The following SYNE1 variants were observed in gnomAD, a reference collection of about 807,000 sequenced individuals.
SYNE1 encodes spectrin repeat containing nuclear envelope protein 1.
Under a neutral mutation model 1,111.0 loss-of-function variants are expected in SYNE1, and 616 were observed. The observed-to-expected ratio is 0.55, with a 90% CI of 0.52 to 0.59. The LOEUF is 0.59. Ranked by LOEUF, SYNE1 falls within the 20% of genes least tolerant of loss-of-function variation. The pLI is 0.00. For synonymous variants in SYNE1, 3,855 were observed against 3,825.8 expected (o/e 1.01, Z -0.28); for missense variants, 10,006 against 10,417.0 (o/e 0.96, Z 1.72).
intron 127 of SYNE1, among the ~76,000 whole-genome samples, chr6:152,196,170 G>T (rs2074060389): frequency 1.3e-5 from 2 of 152,064 alleles, no homozygotes; most frequent in South Asian, 2.1e-4. Context: ...TTACCCTTCA[G>T]GGGAGTGGGC....
chr6:152,545,057 A>G (rs368650467), intron 3 of SYNE1, among the ~76,000 whole-genome samples: 4 of 152,336 alleles, frequency 2.6e-5, no homozygotes, highest in Admixed American at 6.5e-5. Flanking sequence ...TATCCACTTA[A>G]CAGATGGTAT....
chr6:152,376,400 G>C lies in SYNE1; in HGVS notation c.9305C>G (p.Thr3102Ser). The C allele has an allele frequency of 6.2e-7, 1 of 1,614,144 alleles. No homozygotes were observed. Among genetic ancestry groups the C allele is most frequent in the African/African-American group, 1.3e-5 (1 of 75,038 alleles). Residue 3102 changes from threonine (T) to serine (S), a missense_variant, in exon 58 of 146, where the codon ACT becomes AGT. By Grantham distance (58) the Thr-to-Ser change is moderately conservative (BLOSUM62 1). Coordinates refer to ENST00000367255, the MANE Select transcript of SYNE1 (RefSeq NM_182961.4). ...DIPQNISEVS[T>S]SLQKIQEFLS... is the part of the protein sequence containing the mutation. The stretch of plus-strand genomic sequence containing the variant: ...CCTTACCTGTATTTTCTGAAGACTA[G>C]TTGAAACTTCACTTATATTTTGAGG...
chr6:152,621,074 T>A (rs2099674298), intron 3 of SYNE1, among the ~76,000 whole-genome samples: 1 of 152,202 alleles, frequency 6.6e-6, no homozygotes, highest in Non-Finnish European at 1.5e-5. Context: ...GCCTTGAAGA[T>A]AAGTCAGGTT....
chr6:152,338,641 C>T (rs1215986017), intron 75 of SYNE1, among the ~76,000 whole-genome samples: 2 of 152,118 alleles, frequency 1.3e-5, no homozygotes, highest in Non-Finnish European at 2.9e-5. Flanking sequence ...AACAAACAAA[C>T]GAGCAAACAA....
rs758437949 is a variant in SYNE1, at chr6:152,236,181, C to A, written c.20322G>T (p.Glu6774Asp). 1 of 1,614,176 alleles carries A rather than the reference C, an allele frequency of 6.2e-7. No individual in the cohort carries two copies. The highest frequency in any genetic ancestry group is 8.5e-7 in the Non-Finnish European group (1 of 1,180,038). Residue 6774 changes from glutamate to aspartate, a missense_variant, in exon 110 of 146, where the codon GAG becomes GAT. By Grantham distance (45) the Glu-to-Asp change is conservative. Around this residue, in one of 7 missense-constraint regions of SYNE1, gnomAD observed 2,182 missense variants for 2,287.8 expected, o/e 0.95. Coordinates refer to ENST00000367255, the MANE Select transcript of SYNE1 (RefSeq NM_182961.4). ...TTTTATTGGTGTTACTTAGCCAGCA[C>A]TCTCCAAGTTGATTTAGTTGGCTTT... is the stretch of plus-strand genomic sequence containing the variant. ...DLESQLNQLG[E>D]CWLSNTNKMS...
Position 152,164,293 on chromosome 6 carries a change from A to G in SYNE1, c.23660T>C (p.Val7887Ala). The part of the protein sequence containing the change: ...VKKLKETLVA[V>A]QQLDKNMSSL... ...GCTCATGTTCTTATCAAGCTGCTGC[A>G]CGGCTACCAGGGTCTCCTTCAGCTT... The change falls in exon 131 of 146, where the codon GTG becomes GCG. Residue 7887 changes from valine (V) to alanine (A), a missense_variant. Coordinates refer to ENST00000367255, the MANE Select transcript of SYNE1 (RefSeq NM_182961.4). 6.2e-7 allele frequency: 1 copy of G among 1,614,180 alleles called. No homozygotes were observed. Among genetic ancestry groups the G allele is most frequent in the Non-Finnish European group, 8.5e-7 (1 of 1,180,040 alleles).
intron 12 of SYNE1, among the ~76,000 whole-genome samples, chr6:152,485,524 C>T (rs1490791438): frequency 6.6e-6 from 1 of 152,120 alleles, no homozygotes; most frequent in Non-Finnish European, 1.5e-5. Flanking sequence ...CATGATAATC[C>T]TTTGCTTTAA....
At chr6:152,343,798 C>T (rs991445765) in intron 74 of SYNE1, among the ~76,000 whole-genome samples, 1 of 151,730 alleles carries the variant, frequency 6.6e-6, no homozygotes, top group Non-Finnish European at 1.5e-5. Context: ...GAGCTCCTGG[C>T]CTCAAGTGAT....
At position 152,456,195 on chromosome 6, in the gene SYNE1, T is replaced by C; in HGVS notation, c.2569-151A>G. 8 of 742,738 alleles carry C rather than the reference T, an allele frequency of 1.1e-5. No individual in the cohort carries two copies. In the South Asian group the frequency reaches 1.6e-4, roughly 15 times the overall value. The allele number at this position is 742,738 out of a possible 1,614,324, so 46.0% of individuals were successfully genotyped here. A position where few individuals can be genotyped will look rare whatever the true frequency, so the allele number is the denominator to read the frequency against. On this transcript the variant is annotated intron_variant, in intron 22 of 145. Coordinates refer to ENST00000367255, the MANE Select transcript of SYNE1 (RefSeq NM_182961.4). The stretch of plus-strand genomic sequence containing the variant: ...GTAAAACCAAAAGTATGGTGGAACA[T>C]TTCAAAAGATCTCAATTTTAAACAA...
At chr6:152,198,212 T>C (rs1250756371) in intron 127 of SYNE1, among the ~76,000 whole-genome samples, 1 of 152,208 alleles carries the variant, frequency 6.6e-6, no homozygotes, top group Admixed American at 6.5e-5. Context: ...ATGGAGATGG[T>C]TTGTTTCCTT....
intron 70 of SYNE1, among the ~76,000 whole-genome samples, chr6:152,351,438 A>T (rs183905416): frequency 5.9e-5 from 9 of 152,308 alleles, no homozygotes; most frequent in Admixed American, 5.9e-4. Flanking sequence ...TTATAACACA[A>T]ATTATTCCAC....
intron 115 of SYNE1, among the ~76,000 whole-genome samples, chr6:152,226,319 TC>T (rs59166088): frequency 0.47 from 70,809 of 151,948 alleles, 17,110 homozygotes; most frequent in East Asian, 0.74. Context: ...TTTCTACTAC[TC>T]ACCTACCCAA....
intron 3 of SYNE1, among the ~76,000 whole-genome samples, chr6:152,625,513 A>G (rs2099683989): frequency 1.3e-5 from 2 of 152,308 alleles, no homozygotes; most frequent in South Asian, 4.1e-4. Context: ...AACATAACCT[A>G]TAGACATGAA....
At position 152,350,572 on chromosome 6, in the gene SYNE1, A is replaced by G. The variant is rs1470909026; in HGVS notation, c.11733+46T>C. On this transcript the variant is annotated intron_variant, in intron 71 of 145. Coordinates refer to ENST00000367255, the MANE Select transcript of SYNE1 (RefSeq NM_182961.4). ...CAGAGAGAAAGGAGTCAGGGCCCAC[A>G]TTTTGGAAAATAAACCCTTTTACGG... 9 of 1,613,636 alleles carry G rather than the reference A, an allele frequency of 5.6e-6. No individual in the cohort carries two copies. In the East Asian group the frequency reaches 2.0e-4, roughly 36 times the overall value.
intron 130 of SYNE1, chr6:152,167,664 G>A: frequency 2.2e-6 from 1 of 459,488 alleles, no homozygotes; most frequent in African/African-American, 2.0e-5. Flanking sequence ...CTAGAGCCCT[G>A]AAATAGTTTT....
At chr6:152,552,120 G>C (rs2099349096) in intron 3 of SYNE1, among the ~76,000 whole-genome samples, 1 of 152,124 alleles carries the variant, frequency 6.6e-6, no homozygotes, top group South Asian at 2.1e-4. Context: ...TACATTGTTT[G>C]GTGTGGAATG....
At chr6:152,437,017 A>T (rs2098480120) in intron 32 of SYNE1, among the ~76,000 whole-genome samples, 1 of 151,764 alleles carries the variant, frequency 6.6e-6, no homozygotes, top group African/African-American at 2.4e-5. Context: ...AAAAAAAAAA[A>T]GTGACCAGGC....
intron 4 of SYNE1, among the ~76,000 whole-genome samples, chr6:152,527,364 C>T (rs1025321108): frequency 3.3e-5 from 5 of 152,110 alleles, no homozygotes; most frequent in East Asian, 1.9e-4. Context: ...TGTTCTCATG[C>T]TGTGAAATAC....
At chr6:152,405,395 G>A (rs1883894) in intron 45 of SYNE1, among the ~76,000 whole-genome samples, 7,729 of 152,172 alleles carry the variant, frequency 0.051, 625 homozygotes, top group African/African-American at 0.17. Flanking sequence ...ACAACATGAC[G>A]TCACAGAACA....
Sources: gnomAD v4.1 joint callset for allele counts (sites outside exome capture counted in the v4.1 genomes callset) on GRCh38, gnomAD v4.1.1 for gene constraint, gnomAD v4.1.1 regional missense constraint, MANE v1.5 for transcripts, NCBI Gene and HGNC (gene_info 2026-07-23, HGNC 2026-07-21) for gene names.